NLGN1: variants seen among roughly 807,000 people sequenced by gnomAD.
NLGN1 encodes neuroligin 1.
In NLGN1, 12 loss-of-function variants were observed where a neutral mutation model predicts 65.5. That is an observed-to-expected ratio of 0.18 (90% CI 0.12 to 0.30). The LOEUF (loss-of-function observed/expected upper bound fraction) is 0.30, where lower values mean the gene tolerates loss of function less well. Among genes scored for constraint, NLGN1 ranks in the 10% least tolerant of loss-of-function variants. NLGN1 has a pLI of 1.00. For synonymous variants in NLGN1, 350 were observed against 359.5 expected (o/e 0.97, Z 0.30); for missense variants, 750 against 1,007.1 (o/e 0.74, Z 3.46).
chr3:173,831,218 T>C lies in NLGN1; in HGVS notation c.646+23386T>C, dbSNP rs185700451. Among the ~76,000 whole-genome samples, 210 of 152,270 alleles carry C rather than the reference T, an allele frequency of 1.4e-3. 1 individual carries two copies. Among genetic ancestry groups the C allele is most frequent in the African/African-American group, 4.7e-3 (197 of 41,546 alleles). The stretch of plus-strand genomic sequence containing the variant: ...TGGACACTTAGGTTGCTTCCAAATT[T>C]AATCCCTCATAGCTATCCTGAAAAA... On this transcript the variant is annotated intron_variant, in intron 4 of 6. Transcript: ENST00000457714.
At chr3:173,949,205 C>G (rs1747742888) in intron 4 of NLGN1, among the ~76,000 whole-genome samples, 1 of 151,984 alleles carries the variant, frequency 6.6e-6, no homozygotes, top group Admixed American at 6.6e-5. Context: ...ATTATACTTG[C>G]AAATCTCAAG....
intron 4 of NLGN1, among the ~76,000 whole-genome samples, chr3:174,185,259 T>C (rs1731178118): frequency 6.6e-6 from 1 of 152,124 alleles, no homozygotes; most frequent in Non-Finnish European, 1.5e-5. Context: ...AATAATTGCA[T>C]GTAATCTTTA....
At chr3:173,976,079 T>C (rs2035109659) in intron 4 of NLGN1, among the ~76,000 whole-genome samples, 1 of 151,890 alleles carries the variant, frequency 6.6e-6, no homozygotes, top group South Asian at 2.1e-4. Context: ...ACAATTGGAG[T>C]TGTGGAGATA....
At chr3:173,531,187 C>G (rs1736502257) in intron 2 of NLGN1, among the ~76,000 whole-genome samples, 1 of 151,896 alleles carries the variant, frequency 6.6e-6, no homozygotes, top group South Asian at 2.1e-4. Flanking sequence ...TTTTATTTTG[C>G]CTTTTTATTG....
intron 3 of NLGN1, among the ~76,000 whole-genome samples, chr3:173,675,443 T>C (rs1225308717): frequency 6.7e-6 from 1 of 148,514 alleles, no homozygotes; most frequent in Non-Finnish European, 1.5e-5. Context: ...GAACAATTTA[T>C]TAAAACAAAC....
chr3:174,212,103 C>T (rs1310597245), intron 4 of NLGN1, among the ~76,000 whole-genome samples: 1 of 152,198 alleles, frequency 6.6e-6, no homozygotes, highest in Non-Finnish European at 1.5e-5. Flanking sequence ...GCTGCAGGTC[C>T]CTAGCCCTGC....
intron 4 of NLGN1, among the ~76,000 whole-genome samples, chr3:174,138,169 G>T (rs1721565589): frequency 6.6e-6 from 1 of 151,954 alleles, no homozygotes; most frequent in South Asian, 2.1e-4. Context: ...TAGCACGTTT[G>T]GTCTCAAAGG....
intron 4 of NLGN1, among the ~76,000 whole-genome samples, chr3:173,905,051 G>A (rs377753172): frequency 1.3e-5 from 2 of 152,024 alleles, no homozygotes; most frequent in Admixed American, 6.5e-5. Flanking sequence ...TTAAACCTCC[G>A]TGGCTCCTCC....
chr3:174,122,156 A>G (rs1188050233), intron 4 of NLGN1, among the ~76,000 whole-genome samples: 2 of 152,328 alleles, frequency 1.3e-5, no homozygotes, highest in East Asian at 3.9e-4. Context: ...AAAAATGAGT[A>G]AACGTATTTC....
At chr3:173,901,373 GT>G (rs1202726194) in intron 4 of NLGN1, among the ~76,000 whole-genome samples, 104 of 146,482 alleles carry the variant, frequency 7.1e-4, no homozygotes, top group African/African-American at 2.3e-3. Flanking sequence ...TTGGGGGGGT[GT>G]GTGTGTGTGT....
At chr3:173,908,647 C>A (rs1024484924) in intron 4 of NLGN1, among the ~76,000 whole-genome samples, 4 of 152,076 alleles carry the variant, frequency 2.6e-5, no homozygotes, top group African/African-American at 4.8e-5. Flanking sequence ...GTACAGCCTA[C>A]GTGTAGCAAC....
intron 3 of NLGN1, among the ~76,000 whole-genome samples, chr3:173,768,015 A>T (rs528146923): frequency 1.7e-4 from 26 of 152,188 alleles, no homozygotes; most frequent in African/African-American, 6.0e-4. Context: ...ACATTAAGTA[A>T]GTTGTTAATA....
intron 4 of NLGN1, among the ~76,000 whole-genome samples, chr3:173,929,559 A>T (rs1743658159): frequency 6.7e-6 from 1 of 150,206 alleles, no homozygotes; most frequent in Non-Finnish European, 1.5e-5. Flanking sequence ...TATTTTATAA[A>T]TGATCACTGT....
chr3:174,224,434 C>T (rs1401566670), intron 4 of NLGN1, among the ~76,000 whole-genome samples: 1 of 152,222 alleles, frequency 6.6e-6, no homozygotes, highest in Admixed American at 6.5e-5. Flanking sequence ...CGTGATGGCT[C>T]ACGCCTGCAA....
In NLGN1 at chr3:174,214,115, T is replaced by C. The variant is rs553688318; in HGVS notation, c.647-61200T>C. Among the ~76,000 whole-genome samples the C allele has an allele frequency of 4.6e-5, 7 of 152,310 alleles. No individual in the cohort carries two copies. The East Asian group carries it at 1.2e-3, about 25-fold the overall frequency. The stretch of plus-strand genomic sequence containing the variant: ...TATTAGCTGTAGTTTTGTATATTTT[T>C]AATGTCTGGAATTTTAAAGGATACA... On this transcript the variant is annotated intron_variant, in intron 4 of 6. Transcript: ENST00000457714.
At chr3:174,035,543 C>T (rs1400194826) in intron 4 of NLGN1, among the ~76,000 whole-genome samples, 1 of 152,142 alleles carries the variant, frequency 6.6e-6, no homozygotes, top group Admixed American at 6.5e-5. Flanking sequence ...CTTACTGTCT[C>T]ACAGCTTTAC....
intron 3 of NLGN1, among the ~76,000 whole-genome samples, chr3:173,665,221 T>G (rs1458112661): frequency 6.6e-6 from 1 of 152,114 alleles, no homozygotes; most frequent in South Asian, 2.1e-4. Flanking sequence ...TCCTCCAAGT[T>G]GCTCTCATGA....
rs1191499502 is a variant in NLGN1, at chr3:174,154,938, T to TATATATA, written c.647-120364_647-120358dup. 3.0e-5 allele frequency among the ~76,000 whole-genome samples: 4 copies of TATATATA among 134,540 alleles called. No homozygotes were observed. The East Asian group carries it at 8.6e-4, about 29-fold the overall frequency. 88.3% of individuals were successfully genotyped at this position (134,540 alleles called of 152,430 possible). Reference sequence around the variant, plus strand: ...AGATATTTATATTTAATTTATATTTTATATATAATATATAATATAATATAT... The same window carrying TATATATA: ...AGATATTTATATTTAATTTATATTTTATATATAATATATAATATATAATATAATATAT... On this transcript the variant is annotated intron_variant, in intron 4 of 6. Transcript: ENST00000457714.
At chr3:173,412,126 A>G (rs1439692233) in intron 1 of NLGN1, among the ~76,000 whole-genome samples, 2 of 152,210 alleles carry the variant, frequency 1.3e-5, no homozygotes, top group South Asian at 4.1e-4. Flanking sequence ...TGGAGCAAGA[A>G]GTATTCTCTC....
Sources: gnomAD v4.1 joint callset for allele counts (sites outside exome capture counted in the v4.1 genomes callset) on GRCh38, gnomAD v4.1.1 for gene constraint, MANE v1.5 for transcripts, NCBI Gene and HGNC (gene_info 2026-07-23, HGNC 2026-07-21) for gene names.